The following DCUN1D5 variants were observed in gnomAD, a reference collection of about 807,000 sequenced individuals.
The protein encoded by DCUN1D5 is defective in cullin neddylation 1 domain containing 5.
Under a neutral mutation model 38.3 loss-of-function variants are expected in DCUN1D5, and 10 were observed. The ratio of observed to expected loss-of-function variants is 0.26; its 90% CI spans 0.16 to 0.44. DCUN1D5 has a LOEUF of 0.44. Ranked by LOEUF, DCUN1D5 falls within the 20% of genes least tolerant of loss-of-function variation. DCUN1D5 has a pLI of 1.00. For synonymous variants in DCUN1D5, 93 were observed against 90.9 expected, an observed-to-expected ratio of 1.02 and a Z score of -0.13; for missense variants, 148 against 275.3, an observed-to-expected ratio of 0.54 and a Z score of 3.27.
intron 2 of DCUN1D5, among the ~76,000 whole-genome samples, chr11:103,085,205 C>T (rs761688360): frequency 2.6e-5 from 4 of 151,998 alleles, no homozygotes; most frequent in Non-Finnish European, 1.5e-5. Flanking sequence ...TTTGGGAGGC[C>T]GAGGCAGATG....
chr11:103,050,930 A>C lies in DCUN1D5; in HGVS notation c.*11429T>G, dbSNP rs1409220693. On this transcript the variant is annotated 3_prime_UTR_variant, in exon 8 of 8. Transcript: ENST00000260247. ...TAGTGTCTCCATGATGGGTAAGGAAAGGGTGTTTCTTTAAAAATAATCAGA... is the reference window on the plus strand; with the variant it reads ...TAGTGTCTCCATGATGGGTAAGGAACGGGTGTTTCTTTAAAAATAATCAGA... 6.6e-6 allele frequency: 1 copy of C among 152,184 alleles called. No individual in the cohort carries two copies. Among genetic ancestry groups the C allele is most frequent in the African/African-American group, 2.4e-5 (1 of 41,450 alleles). The allele number at this position is 152,184 out of a possible 1,614,324, so 9.4% of individuals were successfully genotyped here.
rs558669724 is a variant in DCUN1D5 at position 103,092,124 on chromosome 11, C to T, written c.-252G>A. The T allele has an allele frequency of 1.6e-5, 7 of 448,812 alleles. No homozygotes were observed. Among genetic ancestry groups the T allele is most frequent in the South Asian group, 9.6e-5 (3 of 31,352 alleles). The allele number at this position is 448,812 out of a possible 1,614,324, so 27.8% of individuals were successfully genotyped here. ...GTTCGTTCTCACCGGGAGGAGATAACGCGGACAGCGCGGCAGCTCCACCAG... is the reference window on the plus strand; with the variant it reads ...GTTCGTTCTCACCGGGAGGAGATAATGCGGACAGCGCGGCAGCTCCACCAG... On this transcript the variant is annotated 5_prime_UTR_variant, in exon 1 of 8. Coordinates refer to ENST00000260247, the MANE Select transcript of DCUN1D5 (RefSeq NM_032299.4).
In DCUN1D5 at chr11:103,062,277, G is replaced by A. The variant is rs538125796; in HGVS notation, c.*82C>T. 3.1e-5 allele frequency: 41 copies of A among 1,340,804 alleles called. No homozygotes were observed. Among genetic ancestry groups the A allele is most frequent in the South Asian group, 4.9e-5 (4 of 80,940 alleles). 83.1% of individuals were successfully genotyped at this position (1,340,804 alleles called of 1,614,324 possible). A position where few individuals can be genotyped will look rare whatever the true frequency, so the allele number is the denominator to read the frequency against. On this transcript the variant is annotated 3_prime_UTR_variant, in exon 8 of 8. Coordinates refer to ENST00000260247, the MANE Select transcript of DCUN1D5 (RefSeq NM_032299.4). The surrounding 1 kb of genome is among the most constrained non-coding windows in gnomAD (Gnocchi z 4.6). ...CTTTCATATGAATGAAAATGCACCC[G>A]TTGGATTTTTTTCCCCCTCATCACA...
In DCUN1D5 at chr11:103,083,479, C is replaced by T. The variant is rs1862620112; in HGVS notation, c.179-153G>A. ...CTTTGATAAGTATAAATATTTGCTA[C>T]AGGATTTAAAATTTAAAATTTGTGA... On this transcript the variant is annotated intron_variant, in intron 2 of 7. Transcript: ENST00000260247. This position sits in a 1 kb window ranked among gnomAD's most constrained non-coding sequence, Gnocchi z 4.4. Among the ~76,000 whole-genome samples the T allele has an allele frequency of 2.0e-5, 3 of 151,892 alleles. No homozygotes were observed. The highest frequency in any genetic ancestry group is 2.0e-4 in the Admixed American group (3 of 15,260).
chr11:103,088,041 T>C (rs1455205633), intron 2 of DCUN1D5, among the ~76,000 whole-genome samples: 8 of 152,206 alleles, frequency 5.3e-5, no homozygotes, highest in Non-Finnish European at 2.9e-5. Flanking sequence ...ATAGCATTTA[T>C]TTCTGGTCTA....
In DCUN1D5 at chr11:103,089,287, T is replaced by C. The variant is rs1434737967; in HGVS notation, c.118A>G (p.Ile40Val). Residue 40 changes from isoleucine (I) to valine (V), a missense_variant, in exon 2 of 8, where the codon ATA becomes GTA. Coordinates refer to ENST00000260247, the MANE Select transcript of DCUN1D5 (RefSeq NM_032299.4). ...YCRSQPPARL[I>V]SGEEHFSSKK... ...CTTGAAAAATGTTCCTCTCCACTTATTAGTCTAGCAGGGGGTTGGGATCTG... is the reference window on the plus strand; with the variant it reads ...CTTGAAAAATGTTCCTCTCCACTTACTAGTCTAGCAGGGGGTTGGGATCTG... The C allele has an allele frequency of 1.5e-5, 24 of 1,611,946 alleles. No homozygotes were observed. Among genetic ancestry groups the C allele is most frequent in the East Asian group, 6.7e-5 (3 of 44,860 alleles).
rs973772328 is a variant in DCUN1D5 at position 103,056,532 on chromosome 11, C to A, written c.*5827G>T. Among the ~76,000 whole-genome samples, 2 of 152,136 alleles carry A rather than the reference C, an allele frequency of 1.3e-5. No homozygotes were observed. The highest frequency in any genetic ancestry group is 4.8e-5 in the African/African-American group (2 of 41,434). ...ATCCTATCCTCACACACTCTCTGGG[C>A]CCCTTCCTCAACTTACTTTCCCCAT... On this transcript the variant is annotated 3_prime_UTR_variant, in exon 8 of 8. Transcript: ENST00000260247. The surrounding 1 kb of genome is among the most constrained non-coding windows in gnomAD (Gnocchi z 4.9).
rs1327696199 is a variant in DCUN1D5 at position 103,058,814 on chromosome 11, A to G, written c.*3545T>C. On this transcript the variant is annotated 3_prime_UTR_variant, in exon 8 of 8. Transcript: ENST00000260247. ...TTGTGATGATTTCTAATGTCACTCA[A>G]AAAGTGGTATTTCCTCAAGAGGGAA... 1.3e-5 allele frequency among the ~76,000 whole-genome samples: 2 copies of G among 152,104 alleles called. No individual in the cohort carries two copies. The highest frequency in any genetic ancestry group is 2.9e-5 in the Non-Finnish European group (2 of 68,012).
In DCUN1D5 at chr11:103,051,362, C is replaced by T. The variant is rs190919709; in HGVS notation, c.*10997G>A. The T allele has an allele frequency of 8.5e-5, 13 of 152,262 alleles. No homozygotes were observed. The East Asian group carries it at 1.4e-3, about 16-fold the overall frequency. The allele number at this position is 152,262 out of a possible 1,614,324, so 9.4% of individuals were successfully genotyped here. A position where few individuals can be genotyped will look rare whatever the true frequency, so the allele number is the denominator to read the frequency against. On this transcript the variant is annotated 3_prime_UTR_variant, in exon 8 of 8. Coordinates refer to ENST00000260247, the MANE Select transcript of DCUN1D5 (RefSeq NM_032299.4). ...TGGTTTATCTTGTGGTTTGCTTCTT[C>T]TGACAAGGCAGCAACCTTAGAAATG... is the stretch of plus-strand genomic sequence containing the variant.
At chr11:103,082,722 A>G (rs990451565) in intron 4 of DCUN1D5, 26 bp downstream of exon 4, 1 of 1,479,986 alleles carries the variant, frequency 6.8e-7, no homozygotes. Context: ...AGGCCATCAA[A>G]TTTGTTTTTT....
At position 103,051,692 on chromosome 11, in the gene DCUN1D5, A is replaced by AT. The variant is rs1468794494; in HGVS notation, c.*10666dup. 1 of 152,210 alleles carries AT rather than the reference A, an allele frequency of 6.6e-6. No homozygotes were observed. Among genetic ancestry groups the AT allele is most frequent in the Non-Finnish European group, 1.5e-5 (1 of 68,032 alleles). The allele number at this position is 152,210 out of a possible 1,614,324, so 9.4% of individuals were successfully genotyped here. Reference sequence around the variant, plus strand: ...CATTTTACAAACACTTTTAAGTACAATATCAATATGCACATCAATCTTACC... The same window carrying AT: ...CATTTTACAAACACTTTTAAGTACAATTATCAATATGCACATCAATCTTACC... On this transcript the variant is annotated 3_prime_UTR_variant, in exon 8 of 8. Transcript: ENST00000260247.
At position 103,081,885 on chromosome 11, in the gene DCUN1D5, A is replaced by G. The variant is rs188781835; in HGVS notation, c.341+863T>C. ...TAGTGCCTCATAAACAAATACTTTA[A>G]AAAAAAATTTAAGGCCAGGCAAAAA... is the stretch of plus-strand genomic sequence containing the variant. On this transcript the variant is annotated intron_variant, in intron 4 of 7. Coordinates refer to ENST00000260247, the MANE Select transcript of DCUN1D5 (RefSeq NM_032299.4). Among the ~76,000 whole-genome samples, 793 of 152,168 alleles carry G rather than the reference A, an allele frequency of 5.2e-3. 4 individuals carry two copies. The highest frequency in any genetic ancestry group is 6.2e-3 in the Non-Finnish European group (422 of 67,944).
rs919751124 is a variant in DCUN1D5, at chr11:103,063,162, A to G, written c.659-748T>C. Among the ~76,000 whole-genome samples the G allele has an allele frequency of 2.0e-5, 3 of 152,144 alleles. No individual in the cohort carries two copies. Among genetic ancestry groups the G allele is most frequent in the African/African-American group, 4.8e-5 (2 of 41,454 alleles). ...CATATGATAATAAATGGCAACTGAA[A>G]AACAGCCTAGGTGTTGGCATACCAT... On this transcript the variant is annotated intron_variant, in intron 7 of 7. Coordinates refer to ENST00000260247, the MANE Select transcript of DCUN1D5 (RefSeq NM_032299.4). The surrounding 1 kb of genome is among the most constrained non-coding windows in gnomAD (Gnocchi z 4.6).
In DCUN1D5 at chr11:103,063,774, G is replaced by A. The variant is rs962418258; in HGVS notation, c.658+501C>T. ...GTATGGACAGATATTTTAACTTGAC[G>A]GATTGAAAAATTATAACTATTTCAC... On this transcript the variant is annotated intron_variant, in intron 7 of 7. Transcript: ENST00000260247. The surrounding 1 kb of genome is among the most constrained non-coding windows in gnomAD (Gnocchi z 4.6). 1.3e-5 allele frequency among the ~76,000 whole-genome samples: 2 copies of A among 151,998 alleles called. No individual in the cohort carries two copies. Among genetic ancestry groups the A allele is most frequent in the Non-Finnish European group, 2.9e-5 (2 of 67,958 alleles).
rs1453753649 is a variant in DCUN1D5, at chr11:103,060,094, GAC to G, written c.*2263_*2264del. The stretch of plus-strand genomic sequence containing the variant: ...AATTAACAAAGGAAAGACAGGAAGG[GAC>G]ACAGCCCACACCCTGACTGATGAAT... On this transcript the variant is annotated 3_prime_UTR_variant, in exon 8 of 8. Transcript: ENST00000260247. 6.6e-6 allele frequency among the ~76,000 whole-genome samples: 1 copy of G among 152,072 alleles called. No individual in the cohort carries two copies. Among genetic ancestry groups the G allele is most frequent in the Non-Finnish European group, 1.5e-5 (1 of 68,008 alleles).
At position 103,087,792 on chromosome 11, in the gene DCUN1D5, ATGT is replaced by A. The variant is rs532034800; in HGVS notation, c.178+1432_178+1434del. Reference sequence around the variant, plus strand: ...TTAAAAATGCTAATATAGTAAACAAATGTTTAATTAGAATCTTACACTACCTAG... The same window carrying A: ...TTAAAAATGCTAATATAGTAAACAAATTAATTAGAATCTTACACTACCTAG... On this transcript the variant is annotated intron_variant, in intron 2 of 7. Coordinates refer to ENST00000260247, the MANE Select transcript of DCUN1D5 (RefSeq NM_032299.4). The surrounding 1 kb of genome is among the most constrained non-coding windows in gnomAD (Gnocchi z 4.1). 1.9e-3 allele frequency among the ~76,000 whole-genome samples: 288 copies of A among 152,346 alleles called. 2 individuals are homozygous for A. The highest frequency in any genetic ancestry group is 6.7e-3 in the African/African-American group (280 of 41,584).
At position 103,058,173 on chromosome 11, in the gene DCUN1D5, A is replaced by C. The variant is rs1457063490; in HGVS notation, c.*4186T>G. 6.6e-6 allele frequency among the ~76,000 whole-genome samples: 1 copy of C among 150,514 alleles called. No individual in the cohort carries two copies. Among genetic ancestry groups the C allele is most frequent in the Non-Finnish European group, 1.5e-5 (1 of 67,552 alleles). The stretch of plus-strand genomic sequence containing the variant: ...AATATTTAACACATGGTAAATCAGA[A>C]ACCATGTAAAAATGAGCCATATTAT... On this transcript the variant is annotated 3_prime_UTR_variant, in exon 8 of 8. Transcript: ENST00000260247.
rs574853508 is a variant in DCUN1D5 at position 103,070,687 on chromosome 11, C to T, written c.342-4120G>A. On this transcript the variant is annotated intron_variant, in intron 4 of 7. Coordinates refer to ENST00000260247, the MANE Select transcript of DCUN1D5 (RefSeq NM_032299.4). ...GATAGAAACACTAGATAGAATTCAACGAACACAGAGAATTTAACATCATCA... is the reference window on the plus strand; with the variant it reads ...GATAGAAACACTAGATAGAATTCAATGAACACAGAGAATTTAACATCATCA... 3.7e-4 allele frequency among the ~76,000 whole-genome samples: 57 copies of T among 152,254 alleles called. No homozygotes were observed. In the South Asian group the frequency reaches 0.011, roughly 28 times the overall value.
rs765410717 is a variant in DCUN1D5 at position 103,082,741 on chromosome 11, T to G, written c.341+7A>C. 3 of 1,595,818 alleles carry G rather than the reference T, an allele frequency of 1.9e-6. No individual in the cohort carries two copies. The highest frequency in any genetic ancestry group is 3.5e-5 in the Admixed American group (2 of 57,140). On this transcript the variant is annotated splice_region_variant and intron_variant, in intron 4 of 7. Transcript: ENST00000260247. ...CATCAAATTTGTTTTTTAAAAAAAT[T>G]TCTTACTGTAATGAAGTCATTCCCT...
Sources: gnomAD v4.1 joint callset for allele counts (sites outside exome capture counted in the v4.1 genomes callset) on GRCh38, gnomAD v4.1.1 for gene constraint, Gnocchi (gnomAD v3.1) non-coding constraint, MANE v1.5 for transcripts, NCBI Gene and HGNC (gene_info 2026-07-23, HGNC 2026-07-21) for gene names.